The following CNTNAP2 variants were observed in gnomAD, a reference collection of about 807,000 sequenced individuals.
CNTNAP2 encodes the protein contactin associated protein 2.
Under a neutral mutation model 155.2 loss-of-function variants are expected in CNTNAP2, and 98 were observed. The ratio of observed to expected loss-of-function variants is 0.63; its 90% CI spans 0.54 to 0.75. The LOEUF (loss-of-function observed/expected upper bound fraction) is 0.75. Among genes scored for constraint, CNTNAP2 ranks in the 30% least tolerant of loss-of-function variants. The pLI is 0.00. For missense variants in CNTNAP2, 1,727 were observed against 1,688.1 expected (o/e 1.02, Z -0.40); for synonymous variants, 651 against 631.2 (o/e 1.03, Z -0.47).
intron 15 of CNTNAP2, among the ~76,000 whole-genome samples, chr7:148,080,571 C>G (rs1037351844): frequency 6.8e-6 from 1 of 146,268 alleles, no homozygotes; most frequent in Non-Finnish European, 1.5e-5. Context: ...CACCACTGCA[C>G]TCCAGCCTGG....
intron 15 of CNTNAP2, among the ~76,000 whole-genome samples, chr7:148,061,938 TA>T (rs1803148921): frequency 7.0e-6 from 1 of 142,064 alleles, no homozygotes; most frequent in Admixed American, 7.1e-5. Flanking sequence ...GATAGATAGA[TA>T]GATAGATAAA....
At position 147,928,995 on chromosome 7, in the gene CNTNAP2, G is replaced by A. The variant is rs6953920; in HGVS notation, c.2255+25274G>A. ...TAATCCCAGCTACTCAGGAGGCTGA[G>A]GCAGGAGAATCGCTTGAACCCAGGA... On this transcript the variant is annotated intron_variant, in intron 14 of 23. Transcript: ENST00000361727. Among the ~76,000 whole-genome samples the A allele has an allele frequency of 7.1e-3, 1,059 of 149,322 alleles. 12 individuals carry two copies. The highest frequency in any genetic ancestry group is 0.025 in the African/African-American group (1,023 of 40,310).
chr7:148,373,164 A>T (rs1637856), intron 21 of CNTNAP2, among the ~76,000 whole-genome samples: 107,742 of 151,276 alleles, frequency 0.71, 39,539 homozygotes, highest in Admixed American at 0.8. Context: ...AATAAAAAAT[A>T]AAAAAAAAGT....
At chr7:147,375,677 C>G (rs953208126) in intron 9 of CNTNAP2, among the ~76,000 whole-genome samples, 6 of 152,034 alleles carry the variant, frequency 3.9e-5, no homozygotes, top group East Asian at 1.9e-4. Flanking sequence ...GCACAGATAC[C>G]TCTCCCCACA....
intron 4 of CNTNAP2, among the ~76,000 whole-genome samples, chr7:147,068,944 G>T (rs1051821217): frequency 1.3e-5 from 2 of 152,212 alleles, no homozygotes; most frequent in Non-Finnish European, 2.9e-5. Context: ...GGTTCTGCAG[G>T]CTGTACAGGA....
intron 13 of CNTNAP2, among the ~76,000 whole-genome samples, chr7:147,852,725 C>A (rs1798970183): frequency 6.6e-6 from 1 of 152,150 alleles, no homozygotes; most frequent in Admixed American, 6.5e-5. Flanking sequence ...CTTTCTTTTT[C>A]TTTCATTCAC....
At chr7:147,476,655 G>A (rs573311502) in intron 10 of CNTNAP2, among the ~76,000 whole-genome samples, 11 of 151,856 alleles carry the variant, frequency 7.2e-5, no homozygotes, top group South Asian at 2.1e-4. Context: ...GGTCAGGCGC[G>A]GTGGCTCACG....
chr7:147,346,016 A>C (rs1241408303), intron 9 of CNTNAP2, among the ~76,000 whole-genome samples: 1 of 152,226 alleles, frequency 6.6e-6, no homozygotes, highest in Non-Finnish European at 1.5e-5. Flanking sequence ...CGAAATTTGA[A>C]AGAAATATTT....
At chr7:146,748,179 T>C (rs1470710392) in intron 1 of CNTNAP2, among the ~76,000 whole-genome samples, 2 of 141,502 alleles carry the variant, frequency 1.4e-5, no homozygotes, top group African/African-American at 5.4e-5. Flanking sequence ...GGCGTCTTGC[T>C]CTGTCACCCA....
chr7:147,576,240 C>T (rs895656973), intron 12 of CNTNAP2, among the ~76,000 whole-genome samples: 1 of 152,056 alleles, frequency 6.6e-6, no homozygotes, highest in African/African-American at 2.4e-5. Context: ...TGTGAATAGA[C>T]CTCACCACTG....
At chr7:147,282,141 C>G (rs192468995) in intron 8 of CNTNAP2, among the ~76,000 whole-genome samples, 1 of 151,846 alleles carries the variant, frequency 6.6e-6, no homozygotes, top group Admixed American at 6.6e-5. Context: ...GAGGCTACGG[C>G]TTTACCTTGG....
At chr7:146,928,562 T>C (rs886510886) in intron 3 of CNTNAP2, among the ~76,000 whole-genome samples, 1 of 152,242 alleles carries the variant, frequency 6.6e-6, no homozygotes, top group South Asian at 2.1e-4. Context: ...TTCATCTCAC[T>C]AGGGAGTGCC....
chr7:148,032,434 G>T (rs12532341), intron 15 of CNTNAP2, among the ~76,000 whole-genome samples: 4 of 151,968 alleles, frequency 2.6e-5, no homozygotes, highest in Non-Finnish European at 5.9e-5. Flanking sequence ...AGAGAGGGTA[G>T]GAGTCAGACC....
chr7:147,519,194 G>A (rs1799186393), intron 11 of CNTNAP2, among the ~76,000 whole-genome samples: 1 of 152,112 alleles, frequency 6.6e-6, no homozygotes. Flanking sequence ...GCATTCCTCT[G>A]GGAGGCTCTG....
At position 147,226,535 on chromosome 7, in the gene CNTNAP2, C is replaced by CAA. The variant is rs11433100; in HGVS notation, c.1349-73596_1349-73595dup. Among the ~76,000 whole-genome samples the CAA allele has an allele frequency of 2.2e-3, 321 of 146,796 alleles. 2 individuals carry two copies. Among genetic ancestry groups the CAA allele is most frequent in the Admixed American group, 6.7e-3 (100 of 14,856 alleles). On this transcript the variant is annotated intron_variant, in intron 8 of 23. Transcript: ENST00000361727. ...AGCATTGGGAGCCAAGAAAAGAAGC[C>CAA]AAAAAAAAAAATCATTAGAGGAAAC... is the stretch of plus-strand genomic sequence containing the variant.
intron 12 of CNTNAP2, among the ~76,000 whole-genome samples, chr7:147,596,893 C>A (rs10952701): frequency 0.084 from 12,851 of 152,156 alleles, 1,213 homozygotes; most frequent in African/African-American, 0.23. Context: ...GACCTCTAGT[C>A]GTCTTCATTG....
intron 13 of CNTNAP2, among the ~76,000 whole-genome samples, chr7:147,710,840 T>C (rs938201123): frequency 1.2e-4 from 18 of 152,170 alleles, no homozygotes; most frequent in Admixed American, 1.1e-3. Context: ...ACATGCTTCT[T>C]TCTCAGGGGT....
At chr7:146,456,682 C>T (rs1402164329) in intron 1 of CNTNAP2, among the ~76,000 whole-genome samples, 1 of 152,084 alleles carries the variant, frequency 6.6e-6, no homozygotes, top group Non-Finnish European at 1.5e-5. Context: ...TCAGTTTTTC[C>T]AGCTGTGATG....
At chr7:148,011,791 A>G (rs556144786) in intron 15 of CNTNAP2, among the ~76,000 whole-genome samples, 3 of 152,232 alleles carry the variant, frequency 2.0e-5, no homozygotes, top group Non-Finnish European at 4.4e-5. Context: ...ATGAACTCTC[A>G]GGAGAATAGC....
Sources: gnomAD v4.1 joint callset for allele counts (sites outside exome capture counted in the v4.1 genomes callset) on GRCh38, gnomAD v4.1.1 for gene constraint, MANE v1.5 for transcripts, NCBI Gene and HGNC (gene_info 2026-07-23, HGNC 2026-07-21) for gene names.